The following ARMC9 variants were observed in gnomAD, a reference collection of about 807,000 sequenced individuals.
The protein encoded by ARMC9 is lisH domain-containing protein ARMC9.
ARMC9 carries 94 observed loss-of-function variants against 107.0 expected under a neutral mutation model. The ratio of observed to expected loss-of-function variants is 0.88; its 90% confidence interval spans 0.74 to 1.04. The LOEUF is 1.04. Among genes scored for constraint, ARMC9 ranks in the 50% least tolerant of loss-of-function variants. The pLI is 0.00. For missense variants in ARMC9, 942 were observed against 1,030.1 expected, an observed-to-expected ratio of 0.91 and a Z score of 1.17; for synonymous variants, 380 against 396.9, an observed-to-expected ratio of 0.96 and a Z score of 0.51.
At chr2:231,238,230 C>T (rs1017929900) in intron 8 of ARMC9, among the ~76,000 whole-genome samples, 1 of 151,844 alleles carries the variant, frequency 6.6e-6, no homozygotes, top group Non-Finnish European at 1.5e-5. Flanking sequence ...AGAAGAAAAT[C>T]TAGGGTAGAA....
chr2:231,262,055 C>T (rs1029281615), intron 11 of ARMC9, among the ~76,000 whole-genome samples: 1 of 152,076 alleles, frequency 6.6e-6, no homozygotes, highest in Non-Finnish European at 1.5e-5. Flanking sequence ...ATCTCTTGAC[C>T]TCGTGATCCA....
In ARMC9 at chr2:231,293,126, A is replaced by G. The variant is rs1020643068; in HGVS notation, c.1717+1683A>G. ...TAGGCTGGGTGCCCATTTGCCTTGA[A>G]TATCTCTTCTTTGGGTTGTATGGAA... On this transcript the variant is annotated intron_variant, in intron 18 of 24. Transcript: ENST00000611582. Among the ~76,000 whole-genome samples the G allele has an allele frequency of 1.3e-5, 2 of 152,210 alleles. 1 individual carries two copies. The highest frequency in any genetic ancestry group is 4.8e-5 in the African/African-American group (2 of 41,454).
chr2:231,366,843 A>ACAAAT (rs2045837334), intron 23 of ARMC9, among the ~76,000 whole-genome samples: 1 of 150,370 alleles, frequency 6.7e-6, no homozygotes, highest in South Asian at 2.1e-4. Flanking sequence ...CTGTCTCAAA[A>ACAAAT]CAAAACCAAA....
chr2:231,249,657 A>C (rs1229508373), intron 9 of ARMC9, among the ~76,000 whole-genome samples: 1 of 152,074 alleles, frequency 6.6e-6, no homozygotes, highest in Non-Finnish European at 1.5e-5. Context: ...GGTTCCAGAG[A>C]ACCTAGAAGG....
chr2:231,268,345 T>C (rs143687156), intron 12 of ARMC9, among the ~76,000 whole-genome samples: 40 of 152,242 alleles, frequency 2.6e-4, no homozygotes, highest in African/African-American at 9.4e-4. Flanking sequence ...ATGCTATACT[T>C]CAGCAAAAAA....
intron 18 of ARMC9, among the ~76,000 whole-genome samples, chr2:231,293,394 G>C (rs1265135898): frequency 6.6e-6 from 1 of 152,186 alleles, no homozygotes; most frequent in Non-Finnish European, 1.5e-5. Context: ...CAGGCCAGGA[G>C]TTCTCTGCAT....
intron 9 of ARMC9, among the ~76,000 whole-genome samples, chr2:231,253,422 G>A (rs191047548): frequency 6.6e-6 from 1 of 152,238 alleles, no homozygotes; most frequent in Non-Finnish European, 1.5e-5. Flanking sequence ...GCTGATCTGA[G>A]CCATGTAAAA....
rs200045905 is a variant in ARMC9 at position 231,339,522 on chromosome 2, TC to T, written c.1879-5451del. ...AATCATAGCTCACTGCACCTCAAAC[TC>T]CTGGGTGGCATTAAGCAATCCTCCT... On this transcript the variant is annotated intron_variant, in intron 20 of 24. Coordinates refer to ENST00000611582, the MANE Select transcript of ARMC9 (RefSeq NM_001352754.2). Among the ~76,000 whole-genome samples, 1,030 of 152,248 alleles carry T rather than the reference TC, an allele frequency of 6.8e-3. 11 individuals carry two copies. Among genetic ancestry groups the T allele is most frequent in the African/African-American group, 0.023 (939 of 41,540 alleles).
At chr2:231,269,120 G>C (rs576190396) in intron 12 of ARMC9, among the ~76,000 whole-genome samples, 1 of 152,162 alleles carries the variant, frequency 6.6e-6, no homozygotes, top group South Asian at 2.1e-4. Flanking sequence ...TTTTGTATGT[G>C]ACCTGTGTTT....
At chr2:231,258,857 A>G (rs990173007) in intron 10 of ARMC9, 134 bp from the exon 11 acceptor site, 13 of 759,486 alleles carry the variant, frequency 1.7e-5, no homozygotes, top group Admixed American at 2.6e-5. Context: ...CCGCCCTCCA[A>G]GTGGAAGCCG....
intron 21 of ARMC9, among the ~76,000 whole-genome samples, chr2:231,354,507 G>A (rs2045255304): frequency 6.6e-6 from 1 of 150,642 alleles, no homozygotes. Context: ...TCAGCCTCTT[G>A]AGTAGCTGGG....
At chr2:231,355,545 T>C (rs2045305314) in intron 21 of ARMC9, among the ~76,000 whole-genome samples, 1 of 152,164 alleles carries the variant, frequency 6.6e-6, no homozygotes, top group Non-Finnish European at 1.5e-5. Context: ...TAATTGTGTG[T>C]TAGGAATACA....
chr2:231,342,267 G>A (rs1194629754), intron 20 of ARMC9, among the ~76,000 whole-genome samples: 12 of 152,234 alleles, frequency 7.9e-5, no homozygotes, highest in Admixed American at 3.9e-4. Flanking sequence ...GTGCTGGCCC[G>A]CAGGCCAGAC....
In ARMC9 at chr2:231,207,664, C is replaced by T. The variant is rs544865839; in HGVS notation, c.52-463C>T. Among the ~76,000 whole-genome samples, 22 of 152,144 alleles carry T rather than the reference C, an allele frequency of 1.4e-4. No homozygotes were observed. In the East Asian group the frequency reaches 2.9e-3, roughly 20 times the overall value. ...CTAATTTTTGTATTTTCAGTAGAGA[C>T]GGGGTTTCACCTTGCTGGCCAGGCT... On this transcript the variant is annotated intron_variant, in intron 2 of 24. Transcript: ENST00000611582.
At chr2:231,348,190 G>A (rs1280587217) in intron 21 of ARMC9, among the ~76,000 whole-genome samples, 1 of 152,174 alleles carries the variant, frequency 6.6e-6, no homozygotes, top group Non-Finnish European at 1.5e-5. Flanking sequence ...GATAATCTGG[G>A]TGGACCCAAT....
chr2:231,200,079 T>C (rs2030577443), intron 1 of ARMC9, among the ~76,000 whole-genome samples: 1 of 152,190 alleles, frequency 6.6e-6, no homozygotes, highest in Non-Finnish European at 1.5e-5. Flanking sequence ...CAGCAGATAC[T>C]ATTTAAACGG....
chr2:231,333,749 C>A (rs1273922103), intron 20 of ARMC9, among the ~76,000 whole-genome samples: 1 of 152,220 alleles, frequency 6.6e-6, no homozygotes. Flanking sequence ...GACGCATGTA[C>A]CCCTGACCAC....
intron 22 of ARMC9, among the ~76,000 whole-genome samples, chr2:231,356,842 G>A (rs1286648040): frequency 6.6e-6 from 1 of 152,130 alleles, no homozygotes; most frequent in African/African-American, 2.4e-5. Flanking sequence ...TGCCAGGGTG[G>A]AGGTCTTAGG....
intron 20 of ARMC9, among the ~76,000 whole-genome samples, chr2:231,334,863 C>T (rs2043978988): frequency 6.6e-6 from 1 of 152,184 alleles, no homozygotes; most frequent in East Asian, 1.9e-4. Flanking sequence ...CCTTTAAATT[C>T]ACATTTTTGT....
Sources: allele counts gnomAD v4.1 joint callset (sites outside exome capture counted in the v4.1 genomes callset), GRCh38; gene constraint gnomAD v4.1.1; transcripts MANE v1.5; gene names NCBI Gene and HGNC (gene_info 2026-07-23, HGNC 2026-07-21).